GRIN3B: variants seen among roughly 807,000 people sequenced by gnomAD.
GRIN3B encodes the protein glutamate ionotropic receptor NMDA type subunit 3B, also known as glutamate receptor ionotropic, NMDA 3B.
A neutral mutation model predicts 66.0 loss-of-function variants in GRIN3B; 77 were observed. The ratio of observed to expected loss-of-function variants is 1.17; its 90% CI spans 0.97 to 1.41. The LOEUF is 1.41. Ranked by LOEUF, GRIN3B falls within the 40% of genes most tolerant of loss-of-function variation. The probability of loss-of-function intolerance (pLI) is 0.00; values close to 1 mark genes in which losing one functional copy is unlikely to be tolerated. For missense variants in GRIN3B, 1,787 were observed against 1,564.5 expected (o/e 1.14, Z -2.40); for synonymous variants, 823 against 749.7 (o/e 1.10, Z -1.60).
chr19:1,008,570 G>C, intron 6 of GRIN3B, 48 bp from the exon 7 acceptor site: 1 of 1,570,160 alleles, frequency 6.4e-7, no homozygotes, highest in Non-Finnish European at 8.6e-7. Context: ...GCTCCCCAGG[G>C]GCCTGCCATT....
chr19:1,007,598 G>A lies in GRIN3B; in HGVS notation c.2053-30G>A. ...AATGGTCAGGGGTCCTGAGGGGCAG[G>A]CAGAGGCGCTGACGGGGTCCCCCGC... On this transcript the variant is annotated intron_variant, in intron 3 of 8. Transcript: ENST00000234389. The surrounding 1 kb of genome is among the most constrained non-coding windows in gnomAD (Gnocchi z 4.4). 6.8e-7 allele frequency: 1 copy of A among 1,463,998 alleles called. No homozygotes were observed. The highest frequency in any genetic ancestry group is 9.0e-7 in the Non-Finnish European group (1 of 1,110,326). 90.7% of individuals were successfully genotyped at this position (1,463,998 alleles called of 1,614,324 possible). A position where few individuals can be genotyped will look rare whatever the true frequency, so the allele number is the denominator to read the frequency against.
Position 1,005,304 on chromosome 19 carries a change from C to T in GRIN3B, c.1803C>T (p.Tyr601=), listed in dbSNP as rs144167333. 96 of 1,613,618 alleles carry T rather than the reference C, an allele frequency of 5.9e-5. No individual in the cohort carries two copies. Among genetic ancestry groups the T allele is most frequent in the Middle Eastern group, 3.3e-4 (2 of 6,062 alleles). The change falls in exon 3 of 9, where the codon TAC becomes TAT. Residue 601 remains tyrosine (Y), a synonymous_variant. Coordinates refer to ENST00000234389, the MANE Select transcript of GRIN3B (RefSeq NM_138690.3). This position sits in a 1 kb window ranked among gnomAD's most constrained non-coding sequence, Gnocchi z 5.2. ...CCGTGTACGAGTGGCGTAGCCCCTACGGCCTCACGCCACGTGGCCGCAACC... is the reference window on the plus strand; with the variant it reads ...CCGTGTACGAGTGGCGTAGCCCCTATGGCCTCACGCCACGTGGCCGCAACC... ...FLTVYEWRSP[Y]GLTPRGRNRS... is the part of the protein sequence containing the mutation.
At position 1,005,364 on chromosome 19, in the gene GRIN3B, C is replaced by T. The variant is rs2038736839; in HGVS notation, c.1863C>T (p.Asn621=). ...STVFSYSSAL[N]LCYAILFRRT... ...TCTTCTCCTACTCCTCAGCCCTCAA[C>T]CTGTGCTACGCCATCCTCTTCAGAC... is the stretch of plus-strand genomic sequence containing the variant. Residue 621 remains asparagine, a synonymous_variant, in exon 3 of 9, where the codon AAC becomes AAT. Coordinates refer to ENST00000234389, the MANE Select transcript of GRIN3B (RefSeq NM_138690.3). This position sits in a 1 kb window ranked among gnomAD's most constrained non-coding sequence, Gnocchi z 5.2. 1.2e-6 allele frequency: 2 copies of T among 1,613,770 alleles called. No individual in the cohort carries two copies. The highest frequency in any genetic ancestry group is 1.7e-6 in the Non-Finnish European group (2 of 1,180,010).
In GRIN3B at chr19:1,000,751, C is replaced by A; in HGVS notation, c.314C>A (p.Ala105Asp). 6.9e-7 allele frequency: 1 copy of A among 1,446,526 alleles called. No homozygotes were observed. Among genetic ancestry groups the A allele is most frequent in the Non-Finnish European group, 9.1e-7 (1 of 1,104,836 alleles). The allele number at this position is 1,446,526 out of a possible 1,614,324, so 89.6% of individuals were successfully genotyped here. The change falls in exon 1 of 9, where the codon GCC (alanine) becomes GAC (aspartate). Residue 105 changes from alanine to aspartate, a missense_variant. Transcript: ENST00000234389. ...CCTCCGGGCGTGGCGGCCCTGCTCGCCTTTCCCGAGGCTCGGCCCGAGCTG... is the reference window on the plus strand; with the variant it reads ...CCTCCGGGCGTGGCGGCCCTGCTCGACTTTCCCGAGGCTCGGCCCGAGCTG... ...LVPPGVAALL[A>D]FPEARPELLQ... is the part of the protein sequence containing the mutation.
chr19:1,008,778 GC>G lies in GRIN3B; in HGVS notation c.2629del (p.Gln877ArgfsTer208), dbSNP rs1362741141. On this transcript the variant is annotated frameshift_variant, in exon 7 of 9. Transcript: ENST00000234389. LOFTEE classifies it high-confidence loss of function. ...AGGCTGCAGTACTGGCTGCACACCA[GC>G]CAGGTGGGGAGCGGGTGGGCGGCGG... Reference protein sequence around the residue: ...GSRLQYWLHTSQKIHRALNTE... With the variant: ...GSRLQYWLHTXQKIHRALNTE... 4 of 1,601,320 alleles carry G rather than the reference GC, an allele frequency of 2.5e-6. No individual in the cohort carries two copies. Among genetic ancestry groups the G allele is most frequent in the Admixed American group, 1.7e-5 (1 of 58,440 alleles).
intron 1 of GRIN3B, among the ~76,000 whole-genome samples, chr19:1,001,808 G>A (rs920967536): frequency 6.6e-6 from 1 of 152,060 alleles, no homozygotes; most frequent in African/African-American, 2.4e-5. Flanking sequence ...TGGGAGAGGC[G>A]GGGCCCAAAC....
chr19:1,008,436 C>T (rs1008644378), intron 6 of GRIN3B, 145 bp downstream of exon 6: 214 of 1,033,054 alleles, frequency 2.1e-4, no homozygotes, highest in Admixed American at 3.0e-4. Context: ...TACAAAACCC[C>T]GGCTGCAGTG....
At chr19:1,009,076 C>T in intron 8 of GRIN3B, 97 bp from the exon 9 acceptor site, 1 of 1,438,870 alleles carries the variant, frequency 6.9e-7, no homozygotes, top group East Asian at 2.5e-5. Context: ...CCTGGTTGTG[C>T]CTGTCGGCCA....
intron 6 of GRIN3B, 30 bp from the exon 7 acceptor site, chr19:1,008,588 C>T (rs780429892): frequency 5.1e-6 from 8 of 1,582,450 alleles, no homozygotes; most frequent in Admixed American, 1.7e-5. Context: ...ATTACGTGAC[C>T]GTGCGGGGCT....
rs749745750 is a variant in GRIN3B at position 1,005,538 on chromosome 19, G to A, written c.2037G>A (p.Gly679=). 9 of 1,602,014 alleles carry A rather than the reference G, an allele frequency of 5.6e-6. No homozygotes were observed. The East Asian group carries it at 1.6e-4, about 28-fold the overall frequency. ...VGDKTFEELS[G]IHDPKLHHPA... The stretch of plus-strand genomic sequence containing the variant: ...ACAAGACCTTCGAGGAGCTGTCGGG[G>A]ATCCACGACCCCAAGGTGGGCGGCC... Residue 679 remains glycine, a synonymous_variant, in exon 3 of 9, where the codon GGG becomes GGA. Coordinates refer to ENST00000234389, the MANE Select transcript of GRIN3B (RefSeq NM_138690.3). This position sits in a 1 kb window ranked among gnomAD's most constrained non-coding sequence, Gnocchi z 5.2.
rs1391258056 is a variant in GRIN3B at position 1,009,270 on chromosome 19, G to T, written c.2800G>T (p.Val934Leu). 77 of 1,419,752 alleles carry T rather than the reference G, an allele frequency of 5.4e-5. No homozygotes were observed. Among genetic ancestry groups the T allele is most frequent in the Non-Finnish European group, 6.9e-5 (76 of 1,098,088 alleles). 87.9% of individuals were successfully genotyped at this position (1,419,752 alleles called of 1,614,324 possible). Residue 934 changes from valine to leucine, a missense_variant, in exon 9 of 9, where the codon GTG (valine) becomes TTG (leucine). Coordinates refer to ENST00000234389, the MANE Select transcript of GRIN3B (RefSeq NM_138690.3). ...ARRAVDKERRVRFLLEPAVVV... is the reference protein window; with the variant it reads ...ARRAVDKERRLRFLLEPAVVV... ...CCGGGCCGTGGACAAGGAGCGCCGC[G>T]TGCGCTTCCTGCTGGAGCCCGCCGT...
At chr19:1,003,075 AG>A (rs2038699352) in intron 1 of GRIN3B, 54 bp from the exon 2 acceptor site, 1 of 1,259,864 alleles carries the variant, frequency 7.9e-7, no homozygotes, top group Admixed American at 3.5e-5. Context: ...TGGGGTGGGA[AG>A]GGTTTTGTGG....
chr19:1,007,815 T>A lies in GRIN3B; in HGVS notation c.2199-41T>A. 1 of 1,527,796 alleles carries A rather than the reference T, an allele frequency of 6.5e-7. No individual in the cohort carries two copies. The highest frequency in any genetic ancestry group is 8.8e-7 in the Non-Finnish European group (1 of 1,136,644). The allele number at this position is 1,527,796 out of a possible 1,614,324, so 94.6% of individuals were successfully genotyped here. A position where few individuals can be genotyped will look rare whatever the true frequency, so the allele number is the denominator to read the frequency against. On this transcript the variant is annotated intron_variant, in intron 4 of 8. Coordinates refer to ENST00000234389, the MANE Select transcript of GRIN3B (RefSeq NM_138690.3). This position sits in a 1 kb window ranked among gnomAD's most constrained non-coding sequence, Gnocchi z 4.4. Reference sequence around the variant, plus strand: ...GGTGAGGCGGGGGCGGGGCGTGGGGTGGGCGGGGCGATGGCTGACCCCCGC... The same window carrying A: ...GGTGAGGCGGGGGCGGGGCGTGGGGAGGGCGGGGCGATGGCTGACCCCCGC...
Position 1,009,555 on chromosome 19 carries a change from C to T in GRIN3B, c.3085C>T (p.Pro1029Ser). Residue 1029 changes from proline to serine, a missense_variant, in exon 9 of 9, where the codon CCC becomes TCC. Transcript: ENST00000234389. The stretch of plus-strand genomic sequence containing the variant: ...GCGCTTGCTTCAGGCCAGAGCGGCC[C>T]CCGCGGAGGCCCCACCACACTCTGG... Reference protein sequence around the residue: ...PRRLLQARAAPAEAPPHSGRP... With the variant: ...PRRLLQARAASAEAPPHSGRP... The T allele has an allele frequency of 1.1e-6, 1 of 896,694 alleles. No individual in the cohort carries two copies. The highest frequency in any genetic ancestry group is 1.5e-6 in the Non-Finnish European group (1 of 662,640). 55.5% of individuals were successfully genotyped at this position (896,694 alleles called of 1,614,324 possible). A position where few individuals can be genotyped will look rare whatever the true frequency, so the allele number is the denominator to read the frequency against.
In GRIN3B at chr19:1,000,694, C is replaced by T. The variant is rs2145527980; in HGVS notation, c.257C>T (p.Ser86Leu). Reference protein sequence around the residue: ...VAAPPARDPASLTRGLCQALV... With the variant: ...VAAPPARDPALLTRGLCQALV... The stretch of plus-strand genomic sequence containing the variant: ...GCGCCCCCCGCCCGCGACCCCGCCT[C>T]GCTGACCCGCGGCCTGTGCCAGGCG... Residue 86 changes from serine (S) to leucine (L), a missense_variant, in exon 1 of 9, where the codon TCG (serine) becomes TTG (leucine). Ser to Leu is a moderately radical substitution (Grantham distance 145, BLOSUM62 -2). Transcript: ENST00000234389. 2 of 1,379,960 alleles carry T rather than the reference C, an allele frequency of 1.4e-6. No homozygotes were observed. The highest frequency in any genetic ancestry group is 2.7e-4 in the Middle Eastern group (1 of 3,746). 85.5% of individuals were successfully genotyped at this position (1,379,960 alleles called of 1,614,324 possible). A position where few individuals can be genotyped will look rare whatever the true frequency, so the allele number is the denominator to read the frequency against.
chr19:1,000,815 C>A lies in GRIN3B; in HGVS notation c.378C>A (p.Pro126=). 1 of 1,450,816 alleles carries A rather than the reference C, an allele frequency of 6.9e-7. No homozygotes were observed. The highest frequency in any genetic ancestry group is 9.0e-7 in the Non-Finnish European group (1 of 1,109,254). The allele number at this position is 1,450,816 out of a possible 1,614,324, so 89.9% of individuals were successfully genotyped here. A position where few individuals can be genotyped will look rare whatever the true frequency, so the allele number is the denominator to read the frequency against. ...TCCTGGCGGCGGCCACCGAGACCCCCGTGCTCAGCCTGCTGCGGCGGGAGG... is the reference window on the plus strand; with the variant it reads ...TCCTGGCGGCGGCCACCGAGACCCCAGTGCTCAGCCTGCTGCGGCGGGAGG... ...LHFLAAATET[P]VLSLLRREAR... Residue 126 remains proline, a synonymous_variant, in exon 1 of 9, where the codon CCC becomes CCA. Coordinates refer to ENST00000234389, the MANE Select transcript of GRIN3B (RefSeq NM_138690.3).
At position 1,000,589 on chromosome 19, in the gene GRIN3B, C is replaced by T; in HGVS notation, c.152C>T (p.Ala51Val). The T allele has an allele frequency of 9.8e-7, 1 of 1,022,842 alleles. No homozygotes were observed. The highest frequency in any genetic ancestry group is 1.2e-6 in the Non-Finnish European group (1 of 857,540). The allele number at this position is 1,022,842 out of a possible 1,614,324, so 63.4% of individuals were successfully genotyped here. Residue 51 changes from alanine (A) to valine (V), a missense_variant, in exon 1 of 9, where the codon GCC becomes GTC. Ala to Val is a moderately conservative substitution (Grantham distance 64). Coordinates refer to ENST00000234389, the MANE Select transcript of GRIN3B (RefSeq NM_138690.3). ...CTGCCCCGCGCGCCTCTCGCCCGCGCCCGCGCCCGCGCCGCCCTGGCCCGG... is the reference window on the plus strand; with the variant it reads ...CTGCCCCGCGCGCCTCTCGCCCGCGTCCGCGCCCGCGCCGCCCTGGCCCGG... ...ALLPRAPLAR[A>V]RARAALARAA...
Position 1,008,856 on chromosome 19 carries a change from G to T in GRIN3B, c.2632-1G>T. The T allele has an allele frequency of 6.2e-7, 1 of 1,607,772 alleles. No individual in the cohort carries two copies. The highest frequency in any genetic ancestry group is 8.5e-7 in the Non-Finnish European group (1 of 1,177,440). ...CCAACCGGGTCTGTCTGGGGTCTTA[G>T]AAAATCCACCGCGCCCTCAACACGG... On this transcript the variant is annotated splice_acceptor_variant, in intron 7 of 8. Coordinates refer to ENST00000234389, the MANE Select transcript of GRIN3B (RefSeq NM_138690.3). LOFTEE classifies it high-confidence loss of function.
rs1271178770 is a variant in GRIN3B at position 1,009,384 on chromosome 19, G to A, written c.2914G>A (p.Ala972Thr). 5.0e-6 allele frequency: 7 copies of A among 1,387,592 alleles called. No individual in the cohort carries two copies. The highest frequency in any genetic ancestry group is 3.7e-5 in the Admixed American group (1 of 27,004). The allele number at this position is 1,387,592 out of a possible 1,614,324, so 86.0% of individuals were successfully genotyped here. The change falls in exon 9 of 9, where the codon GCA (alanine) becomes ACA (threonine). Residue 972 changes from alanine (A) to threonine (T), a missense_variant. Physicochemically the swap from Ala to Thr is moderately conservative, Grantham distance 58. Transcript: ENST00000234389. Reference sequence around the variant, plus strand: ...GTGCTCCTACGGCCGCCCGCCCGCCGCAAGGCCCACGGGGGCCCCCCAGCC... The same window carrying A: ...GTGCTCCTACGGCCGCCCGCCCGCCACAAGGCCCACGGGGGCCCCCCAGCC... Reference protein sequence around the residue: ...WLCSYGRPPAARPTGAPQPGE... With the variant: ...WLCSYGRPPATRPTGAPQPGE...
Sources: allele counts gnomAD v4.1 joint callset (sites outside exome capture counted in the v4.1 genomes callset), GRCh38; gene constraint gnomAD v4.1.1; non-coding constraint Gnocchi (gnomAD v3.1); transcripts MANE v1.5; gene names NCBI Gene and HGNC (gene_info 2026-07-23, HGNC 2026-07-21).